Variants in KIAA1549L observed in about 807,000 individuals in gnomAD.
The protein encoded by KIAA1549L is UPF0606 protein KIAA1549L.
KIAA1549L carries 88 observed loss-of-function variants against 160.7 expected under a neutral mutation model. The observed-to-expected ratio is 0.55, with a 90% CI of 0.46 to 0.65. KIAA1549L has a LOEUF of 0.65. Ranked by LOEUF, KIAA1549L falls within the 30% of genes least tolerant of loss-of-function variation. KIAA1549L has a pLI of 0.00. For missense variants in KIAA1549L, 2,258 were observed against 2,437.5 expected, an observed-to-expected ratio of 0.93 and a Z score of 1.55; for synonymous variants, 950 against 976.7, an observed-to-expected ratio of 0.97 and a Z score of 0.51.
chr11:33,384,805 T>C (rs1389297737), intron 1 of KIAA1549L, among the ~76,000 whole-genome samples: 1 of 152,178 alleles, frequency 6.6e-6, no homozygotes, highest in African/African-American at 2.4e-5. Flanking sequence ...AATTGGATTG[T>C]TTTCTTTTTA....
rs879500574 is a variant in KIAA1549L at position 33,614,531 on chromosome 11, G to GCTATATATAT, written c.5280-4002_5280-4001insCTATATATAT. On this transcript the variant is annotated intron_variant, in intron 15 of 20. Coordinates refer to ENST00000658780, the MANE Select transcript of KIAA1549L (RefSeq NM_012194.3). ...CTCTTGGGATCTGTGAGTGTAACAA[G>GCTATATATAT]ATATATATATATATATATATATATA... 7.4e-3 allele frequency among the ~76,000 whole-genome samples: 201 copies of GCTATATATAT among 27,110 alleles called. 66 individuals are homozygous for GCTATATATAT. The highest frequency in any genetic ancestry group is 0.016 in the South Asian group (8 of 512). The allele number at this position is 27,110 out of a possible 152,430, so 17.8% of individuals were successfully genotyped here.
intron 11 of KIAA1549L, among the ~76,000 whole-genome samples, chr11:33,587,310 G>A (rs1205787983): frequency 6.6e-6 from 1 of 152,116 alleles, no homozygotes; most frequent in African/African-American, 2.4e-5. Flanking sequence ...TTATTATTGG[G>A]GTTAGGAGTC....
chr11:33,387,904 C>G (rs1850204115), intron 1 of KIAA1549L, among the ~76,000 whole-genome samples: 1 of 152,196 alleles, frequency 6.6e-6, no homozygotes, highest in Non-Finnish European at 1.5e-5. Context: ...CAAGCCCAGC[C>G]AACGATTTTC....
intron 1 of KIAA1549L, among the ~76,000 whole-genome samples, chr11:33,527,820 G>GGTACATATTACA (rs1448405483): frequency 6.6e-6 from 1 of 152,098 alleles, no homozygotes; most frequent in Non-Finnish European, 1.5e-5. Flanking sequence ...AAAAGAAGAT[G>GGTACATATTACA]GTACATATTA....
intron 17 of KIAA1549L, among the ~76,000 whole-genome samples, chr11:33,648,030 C>T (rs1168870102): frequency 1.3e-5 from 2 of 152,076 alleles, no homozygotes; most frequent in African/African-American, 4.8e-5. Context: ...ACTCTGTCAC[C>T]CAGGCTGGAG....
At chr11:33,462,376 A>G (rs972971754) in intron 1 of KIAA1549L, among the ~76,000 whole-genome samples, 4 of 152,210 alleles carry the variant, frequency 2.6e-5, no homozygotes, top group African/African-American at 7.2e-5. Context: ...ATGTTTTTGA[A>G]GGTTTCAACA....
chr11:33,444,392 G>T (rs772724055), intron 1 of KIAA1549L, among the ~76,000 whole-genome samples: 13 of 152,182 alleles, frequency 8.5e-5, no homozygotes, highest in Non-Finnish European at 1.3e-4. Flanking sequence ...TCATTAAGTG[G>T]AAAAGGAAAA....
chr11:33,397,585 G>A (rs1395085519), intron 1 of KIAA1549L, among the ~76,000 whole-genome samples: 6 of 151,556 alleles, frequency 4.0e-5, no homozygotes, highest in South Asian at 2.1e-4. Context: ...GGTGGCGGGC[G>A]CCTGTAGTCC....
At position 33,673,531 on chromosome 11, in the gene KIAA1549L, GTC is replaced by G. The variant is rs1227508721; in HGVS notation, c.*5381_*5382del. On this transcript the variant is annotated 3_prime_UTR_variant, in exon 21 of 21. Transcript: ENST00000658780. ...ACCTTGATCAACTCACTTTAAACTG[GTC>G]TCTGATTCCTCATCTGTCAAATGAG... 1.3e-5 allele frequency: 2 copies of G among 152,236 alleles called. No homozygotes were observed. Among genetic ancestry groups the G allele is most frequent in the Admixed American group, 6.5e-5 (1 of 15,286 alleles). The allele number at this position is 152,236 out of a possible 1,614,324, so 9.4% of individuals were successfully genotyped here.
In KIAA1549L at chr11:33,658,786, C is replaced by G; in HGVS notation, c.5895C>G (p.Ala1965=). ...ACATCGGCAGCAAGACCAGAATGGC[C>G]GAGTCTACAGGGCCCGAGCCGGCCC... ...TSDIGSKTRM[A]ESTGPEPAQL... Residue 1965 remains alanine, a synonymous_variant, in exon 19 of 21, where the codon GCC becomes GCG. Coordinates refer to ENST00000658780, the MANE Select transcript of KIAA1549L (RefSeq NM_012194.3). The G allele has an allele frequency of 1.9e-6, 3 of 1,570,336 alleles. No homozygotes were observed. The highest frequency in any genetic ancestry group is 2.4e-5 in the South Asian group (2 of 84,872).
At chr11:33,472,131 T>G (rs1217520524) in intron 1 of KIAA1549L, among the ~76,000 whole-genome samples, 1 of 152,030 alleles carries the variant, frequency 6.6e-6, no homozygotes, top group Non-Finnish European at 1.5e-5. Context: ...TCTCTCTTTC[T>G]TTCTCCTTCT....
At chr11:33,520,334 T>C (rs1853452184) in intron 1 of KIAA1549L, among the ~76,000 whole-genome samples, 1 of 152,164 alleles carries the variant, frequency 6.6e-6, no homozygotes, top group African/African-American at 2.4e-5. Context: ...ACTCTCTGTT[T>C]CTGTGAGTTT....
At chr11:33,505,548 C>T (rs1433698194) in intron 1 of KIAA1549L, among the ~76,000 whole-genome samples, 1 of 152,202 alleles carries the variant, frequency 6.6e-6, no homozygotes, top group African/African-American at 2.4e-5. Context: ...TCCACTCCTG[C>T]CCTGGCCTCT....
In KIAA1549L at chr11:33,574,884, GGTCTTTTTATTCA is replaced by G; in HGVS notation, c.4402+21_4402+33del. On this transcript the variant is annotated intron_variant, in intron 10 of 20. Coordinates refer to ENST00000658780, the MANE Select transcript of KIAA1549L (RefSeq NM_012194.3). ...TTCTGCAAGCTGACCGTAAGGGAAT[GGTCTTTTTATTCA>G]GTCTTTTTAATGCCATTAAATGTTT... 6.2e-7 allele frequency: 1 copy of G among 1,607,864 alleles called. No homozygotes were observed.
At chr11:33,464,555 A>T (rs1273274406) in intron 1 of KIAA1549L, among the ~76,000 whole-genome samples, 1 of 147,962 alleles carries the variant, frequency 6.8e-6, no homozygotes, top group African/African-American at 2.5e-5. Context: ...TGTACAAGCT[A>T]GCTGGGGCCT....
At chr11:33,611,370 A>G (rs1366812305) in intron 15 of KIAA1549L, among the ~76,000 whole-genome samples, 1 of 152,220 alleles carries the variant, frequency 6.6e-6, no homozygotes, top group Non-Finnish European at 1.5e-5. Flanking sequence ...ACTTTGTGAC[A>G]GGCTTGGATC....
At chr11:33,431,365 C>T (rs559511118) in intron 1 of KIAA1549L, among the ~76,000 whole-genome samples, 5 of 152,244 alleles carry the variant, frequency 3.3e-5, no homozygotes, top group African/African-American at 7.2e-5. Context: ...TTGGTAGAGC[C>T]GAGTGGTCTG....
At chr11:33,388,101 G>C (rs1166597359) in intron 1 of KIAA1549L, among the ~76,000 whole-genome samples, 1 of 152,182 alleles carries the variant, frequency 6.6e-6, no homozygotes, top group African/African-American at 2.4e-5. Context: ...TTTGCCTTGT[G>C]TATTAGTCCA....
chr11:33,395,415 TTTCTC>T (rs1262152057), intron 1 of KIAA1549L, among the ~76,000 whole-genome samples: 2 of 152,232 alleles, frequency 1.3e-5, no homozygotes, highest in Admixed American at 1.3e-4. Context: ...TTATTTTCTT[TTTCTC>T]TTCTCTCTAA....
Sources: gnomAD v4.1 joint callset for allele counts (sites outside exome capture counted in the v4.1 genomes callset) on GRCh38, gnomAD v4.1.1 for gene constraint, MANE v1.5 for transcripts, NCBI Gene and HGNC (gene_info 2026-07-23, HGNC 2026-07-21) for gene names.